CCNH: variants seen among roughly 807,000 people sequenced by gnomAD.
CCNH encodes cyclin-H.
Under a neutral mutation model 41.9 loss-of-function variants are expected in CCNH, and 31 were observed. The observed-to-expected ratio is 0.74, with a 90% CI of 0.56 to 1.00. The LOEUF (loss-of-function observed/expected upper bound fraction) is 1.00, where lower values mean the gene tolerates loss of function less well. Among genes scored for constraint, CCNH ranks in the 50% least tolerant of loss-of-function variants. The probability of loss-of-function intolerance (pLI) is 0.00; values close to 1 mark genes in which losing one functional copy is unlikely to be tolerated. For missense variants in CCNH, 362 were observed against 388.4 expected (o/e 0.93, Z 0.57); for synonymous variants, 138 against 136.1 (o/e 1.01, Z -0.10).
chr5:87,366,295 A>G (rs1760509191), intron 9 of CCNH: 2 of 346,668 alleles, frequency 5.8e-6, no homozygotes, highest in Admixed American at 3.2e-5. Flanking sequence ...ATATTGCAAT[A>G]TCTGTAAGAT....
intron 9 of CCNH, chr5:87,369,944 C>G (rs750734702): frequency 2.0e-6 from 3 of 1,477,994 alleles, no homozygotes; most frequent in Non-Finnish European, 2.8e-6. Flanking sequence ...TTTATGTTAG[C>G]CCATGTTTTC....
intron 9 of CCNH, among the ~76,000 whole-genome samples, chr5:87,332,842 T>A (rs1303211681): frequency 1.3e-5 from 2 of 152,110 alleles, no homozygotes; most frequent in Non-Finnish European, 2.9e-5. Flanking sequence ...ATTTTGTATT[T>A]AAGTAACCAG....
At chr5:87,384,047 A>T (rs761407390) in intron 9 of CCNH, among the ~76,000 whole-genome samples, 7 of 152,030 alleles carry the variant, frequency 4.6e-5, no homozygotes, top group Non-Finnish European at 8.8e-5. Context: ...TTGTGTCTCA[A>T]ACCTTTATAA....
intron 8 of CCNH, 115 bp from the exon 9 acceptor site, chr5:87,394,599 G>A: frequency 1.3e-6 from 2 of 1,523,732 alleles, no homozygotes; most frequent in Non-Finnish European, 1.8e-6. Context: ...GATTACAAAA[G>A]ATAAACCAGG....
chr5:87,337,949 A>T, intron 9 of CCNH: 1 of 1,581,972 alleles, frequency 6.3e-7, no homozygotes, highest in Non-Finnish European at 8.6e-7. Context: ...TTTAAATTTA[A>T]TAACTTTAAA....
intron 9 of CCNH, chr5:87,330,892 A>G (rs1757552629): frequency 3.3e-6 from 4 of 1,197,144 alleles, no homozygotes; most frequent in Non-Finnish European, 4.4e-6. Flanking sequence ...TTCCTGTCGC[A>G]GGGCACAAAC....
intron 9 of CCNH, chr5:87,363,280 T>G (rs1309733069): frequency 1.5e-6 from 2 of 1,352,714 alleles, no homozygotes; most frequent in Non-Finnish European, 2.1e-6. Flanking sequence ...TTAGAAACAC[T>G]AATTTTAATA....
chr5:87,405,066 A>T, intron 4 of CCNH, 59 bp from the exon 5 acceptor site: 1 of 1,266,760 alleles, frequency 7.9e-7, no homozygotes, highest in Non-Finnish European at 1.1e-6. Flanking sequence ...GTATAACAAC[A>T]GTTTAAAAAT....
At chr5:87,398,191 CCTATAA>C (rs552241098) in intron 7 of CCNH, among the ~76,000 whole-genome samples, 280 of 152,304 alleles carry the variant, frequency 1.8e-3, no homozygotes, top group Middle Eastern at 3.4e-3. Flanking sequence ...TGTCGTTATA[CCTATAA>C]CTATAATAAA....
At chr5:87,342,679 C>T (rs927882959) in intron 9 of CCNH, among the ~76,000 whole-genome samples, 10 of 152,124 alleles carry the variant, frequency 6.6e-5, no homozygotes, top group African/African-American at 1.9e-4. Context: ...TATTCACTCA[C>T]GGTGTTAGGG....
At chr5:87,317,338 A>G (rs1756420676), downstream of CCNH, among the ~76,000 whole-genome samples, 1 of 152,180 alleles carries the variant, frequency 6.6e-6, no homozygotes, top group Non-Finnish European at 1.5e-5. Flanking sequence ...CTTCTTCCTC[A>G]TTAGATGGCC....
chr5:87,370,962 A>C (rs1760892577), intron 9 of CCNH, among the ~76,000 whole-genome samples: 1 of 152,168 alleles, frequency 6.6e-6, no homozygotes, highest in Non-Finnish European at 1.5e-5. Context: ...ATGCACATAA[A>C]ATTTTACGGC....
At chr5:87,336,762 A>T (rs1561290941) in intron 9 of CCNH, among the ~76,000 whole-genome samples, 1 of 152,024 alleles carries the variant, frequency 6.6e-6, no homozygotes, top group Non-Finnish European at 1.5e-5. Context: ...TAATGTGCTT[A>T]TTTAGGTGGT....
rs754543971 is a variant in CCNH, at chr5:87,394,424, T to C, written c.*22A>G. 1 of 1,610,350 alleles carries C rather than the reference T, an allele frequency of 6.2e-7. No homozygotes were observed. The highest frequency in any genetic ancestry group is 1.1e-5 in the South Asian group (1 of 90,764). Reference sequence around the variant, plus strand: ...TCCTACTTCTCTTGATTAGTTAGCATTGAGAAATCAACTTCAAATGGTTAG... The same window carrying C: ...TCCTACTTCTCTTGATTAGTTAGCACTGAGAAATCAACTTCAAATGGTTAG... On this transcript the variant is annotated 3_prime_UTR_variant, in exon 9 of 9. Transcript: ENST00000256897.
chr5:87,319,692 T>C (rs1756631812), intron 9 of CCNH, among the ~76,000 whole-genome samples: 2 of 152,190 alleles, frequency 1.3e-5, no homozygotes, highest in South Asian at 4.1e-4. Flanking sequence ...CCTCCAGGCC[T>C]GTACTGGAGG....
At chr5:87,394,970 A>T (rs533874501) in intron 8 of CCNH, 74 bp downstream of exon 8, 1 of 1,602,494 alleles carries the variant, frequency 6.2e-7, no homozygotes, top group Non-Finnish European at 8.5e-7. Flanking sequence ...CTTGGAGAAT[A>T]AATCTTAACA....
At chr5:87,398,728 T>C (rs1763153868) in intron 7 of CCNH, among the ~76,000 whole-genome samples, 1 of 152,062 alleles carries the variant, frequency 6.6e-6, no homozygotes, top group African/African-American at 2.4e-5. Context: ...GAAAGAAGTA[T>C]GCCGGGAGGC....
At chr5:87,341,461 T>A in intron 9 of CCNH, 1 of 442,998 alleles carries the variant, frequency 2.3e-6, no homozygotes, top group Non-Finnish European at 3.8e-6. Context: ...AACTGATTTC[T>A]AAATATTTTC....
At chr5:87,408,713 G>C (rs1032261390) in intron 3 of CCNH, among the ~76,000 whole-genome samples, 6 of 152,104 alleles carry the variant, frequency 3.9e-5, no homozygotes, top group Non-Finnish European at 8.8e-5. Flanking sequence ...TGAGAAAACA[G>C]TAAGAAAGCT....
Sources: gnomAD v4.1 joint callset for allele counts (sites outside exome capture counted in the v4.1 genomes callset) on GRCh38, gnomAD v4.1.1 for gene constraint, MANE v1.5 for transcripts, NCBI Gene and HGNC (gene_info 2026-07-23, HGNC 2026-07-21) for gene names.